SHANK2: variants seen among roughly 807,000 people sequenced by gnomAD.
SHANK2 encodes the protein SH3 and multiple ankyrin repeat domains 2, also known as SH3 and multiple ankyrin repeat domains protein 2.
Under a neutral mutation model 133.7 loss-of-function variants are expected in SHANK2, and 43 were observed. That is an observed-to-expected ratio of 0.32 (90% CI 0.25 to 0.41). The LOEUF (loss-of-function observed/expected upper bound fraction) is 0.41. SHANK2 is among the 10% of genes least tolerant of loss of function. The probability of loss-of-function intolerance (pLI) is 1.00; values close to 1 mark genes in which losing one functional copy is unlikely to be tolerated. For missense variants in SHANK2, 1,994 were observed against 2,235.8 expected (o/e 0.89, Z 2.18); for synonymous variants, 1,017 against 952.8 (o/e 1.07, Z -1.24).
chr11:70,547,949 C>T (rs535056206), intron 17 of SHANK2, among the ~76,000 whole-genome samples: 5 of 152,368 alleles, frequency 3.3e-5, no homozygotes, highest in African/African-American at 4.8e-5. Flanking sequence ...GAACTAGAAC[C>T]GGAAACATCC....
At chr11:71,112,651 C>T (rs1232048876) in intron 5 of SHANK2, among the ~76,000 whole-genome samples, 1 of 152,128 alleles carries the variant, frequency 6.6e-6, no homozygotes, top group Non-Finnish European at 1.5e-5. Flanking sequence ...ACAAAAGCCT[C>T]CTGGGTATTA....
At chr11:70,532,903 T>C (rs1554973498) in intron 17 of SHANK2, among the ~76,000 whole-genome samples, 1 of 143,842 alleles carries the variant, frequency 7.0e-6, no homozygotes, top group African/African-American at 2.6e-5. Flanking sequence ...GGTCGAGCCA[T>C]ACAGTGCGAC....
chr11:70,662,361 C>CCGG (rs782787544), intron 15 of SHANK2, among the ~76,000 whole-genome samples: 81 of 152,274 alleles, frequency 5.3e-4, no homozygotes, highest in Non-Finnish European at 9.6e-4. Context: ...CACAGTGCGC[C>CCGG]CGGCGGCTGC....
intron 9 of SHANK2, among the ~76,000 whole-genome samples, chr11:71,070,316 C>G (rs1022800932): frequency 6.6e-6 from 1 of 152,204 alleles, no homozygotes; most frequent in Non-Finnish European, 1.5e-5. Flanking sequence ...CTAGACCACT[C>G]GCAGACATTC....
chr11:70,952,948 A>G, intron 10 of SHANK2: 1 of 205,730 alleles, frequency 4.9e-6, no homozygotes. Context: ...CATGTTCCCC[A>G]GGAAGGCTCT....
intron 12 of SHANK2, among the ~76,000 whole-genome samples, chr11:70,808,626 T>C (rs553035227): frequency 6.6e-6 from 1 of 150,442 alleles, no homozygotes; most frequent in South Asian, 2.1e-4. Context: ...TTCTCGCTCC[T>C]TGGGAGGCTC....
At chr11:70,622,219 G>C (rs529844438) in intron 17 of SHANK2, among the ~76,000 whole-genome samples, 1 of 152,084 alleles carries the variant, frequency 6.6e-6, no homozygotes, top group Non-Finnish European at 1.5e-5. Context: ...ACACAGCACC[G>C]CAACTTCCCC....
intron 10 of SHANK2, among the ~76,000 whole-genome samples, chr11:70,906,218 C>T (rs1388954157): frequency 1.3e-5 from 2 of 152,212 alleles, no homozygotes; most frequent in Non-Finnish European, 2.9e-5. Context: ...CAAAGCCCTG[C>T]CTTCCTGCTC....
At chr11:70,489,981 C>CCCCCCCCCCT in intron 23 of SHANK2, 3 of 168,064 alleles carry the variant, frequency 1.8e-5, no homozygotes, top group Non-Finnish European at 3.9e-5. Flanking sequence ...CCCCGCCCAC[C>CCCCCCCCCCT]CTCCCGCTTT....
chr11:70,737,016 C>A (rs936489206), intron 14 of SHANK2, among the ~76,000 whole-genome samples: 2 of 152,108 alleles, frequency 1.3e-5, no homozygotes, highest in African/African-American at 4.8e-5. Context: ...TTCCCAGGGG[C>A]CTGGGGAACC....
At chr11:71,173,270 C>T (rs1295865588) in intron 2 of SHANK2, among the ~76,000 whole-genome samples, 1 of 152,192 alleles carries the variant, frequency 6.6e-6, no homozygotes, top group Non-Finnish European at 1.5e-5. Flanking sequence ...AAATTGATTC[C>T]AGTATAGGTT....
chr11:70,547,271 T>A (rs2059706920), intron 17 of SHANK2, among the ~76,000 whole-genome samples: 1 of 152,064 alleles, frequency 6.6e-6, no homozygotes, highest in Non-Finnish European at 1.5e-5. Context: ...TATTAACAAC[T>A]TTTTTTTGAG....
At chr11:70,613,290 G>A (rs941889288) in intron 17 of SHANK2, among the ~76,000 whole-genome samples, 6 of 151,956 alleles carry the variant, frequency 3.9e-5, no homozygotes, top group East Asian at 1.9e-4. Flanking sequence ...TGCCAGCTCC[G>A]CCTCCCAGGT....
chr11:71,172,078 C>T (rs1172950021), intron 2 of SHANK2, among the ~76,000 whole-genome samples: 1 of 152,174 alleles, frequency 6.6e-6, no homozygotes, highest in Non-Finnish European at 1.5e-5. Context: ...TGGCAGACTT[C>T]ATCACTCAGC....
chr11:70,584,251 G>A (rs1402633595), intron 17 of SHANK2, among the ~76,000 whole-genome samples: 1 of 152,150 alleles, frequency 6.6e-6, no homozygotes, highest in Non-Finnish European at 1.5e-5. Flanking sequence ...CAGGCATCCT[G>A]GCGCTCGAAT....
At chr11:70,516,278 C>A (rs1310285952) in intron 17 of SHANK2, among the ~76,000 whole-genome samples, 4 of 152,188 alleles carry the variant, frequency 2.6e-5, no homozygotes, top group African/African-American at 4.8e-5. Context: ...AAAGAACAGA[C>A]AAATAGACCA....
At chr11:70,676,027 C>T (rs1555017135) in intron 15 of SHANK2, among the ~76,000 whole-genome samples, 2 of 152,250 alleles carry the variant, frequency 1.3e-5, no homozygotes, top group Non-Finnish European at 2.9e-5. Context: ...CTCCCACCTA[C>T]AACACTCTAT....
chr11:71,137,725 C>T (rs1952474587), intron 3 of SHANK2, among the ~76,000 whole-genome samples: 2 of 152,132 alleles, frequency 1.3e-5, no homozygotes, highest in South Asian at 2.1e-4. Context: ...AAAATCCACC[C>T]GAGGGAAACA....
At chr11:70,787,285 CATG>C (rs1947685038) in intron 14 of SHANK2, among the ~76,000 whole-genome samples, 1 of 149,596 alleles carries the variant, frequency 6.7e-6, no homozygotes, top group African/African-American at 2.5e-5. Context: ...CCATCATCAC[CATG>C]ACCACCACCA....
Sources: allele counts gnomAD v4.1 joint callset (sites outside exome capture counted in the v4.1 genomes callset), GRCh38; gene constraint gnomAD v4.1.1; transcripts MANE v1.5; gene names NCBI Gene and HGNC (gene_info 2026-07-23, HGNC 2026-07-21).